The following THSD4 variants were observed in gnomAD, a reference collection of about 807,000 sequenced individuals.
The protein encoded by THSD4 is thrombospondin type 1 domain containing 4.
In THSD4, 69 loss-of-function variants were observed where a neutral mutation model predicts 119.0. The ratio of observed to expected loss-of-function variants is 0.58; its 90% CI spans 0.48 to 0.71. The LOEUF (loss-of-function observed/expected upper bound fraction) is 0.71. Among genes scored for constraint, THSD4 ranks in the 30% least tolerant of loss-of-function variants. THSD4 has a pLI of 0.00. For synonymous variants in THSD4, 524 were observed against 540.4 expected (o/e 0.97, Z 0.42); for missense variants, 1,393 against 1,391.1 (o/e 1.00, Z -0.02).
intron 7 of THSD4, among the ~76,000 whole-genome samples, chr15:71,536,252 T>A (rs1359070129): frequency 6.6e-6 from 1 of 152,196 alleles, no homozygotes; most frequent in Non-Finnish European, 1.5e-5. Flanking sequence ...GATCCCTACT[T>A]CTGGCTCTTT....
chr15:71,668,254 A>G (rs1379075771), intron 8 of THSD4, among the ~76,000 whole-genome samples: 1 of 152,214 alleles, frequency 6.6e-6, no homozygotes, highest in East Asian at 1.9e-4. Context: ...TAACTAAAAG[A>G]TGTGACCTAA....
At chr15:71,370,095 G>GT (rs2046023060) in intron 6 of THSD4, among the ~76,000 whole-genome samples, 1 of 152,068 alleles carries the variant, frequency 6.6e-6, no homozygotes, top group Non-Finnish European at 1.5e-5. Flanking sequence ...TTCTGTGGTG[G>GT]TAGTTTGTAT....
At chr15:71,471,785 A>G (rs1397500764) in intron 7 of THSD4, among the ~76,000 whole-genome samples, 1 of 152,060 alleles carries the variant, frequency 6.6e-6, no homozygotes, top group Non-Finnish European at 1.5e-5. Context: ...AAGATCATCC[A>G]TAGTGCTCAA....
At chr15:71,520,388 T>C (rs2048422680) in intron 7 of THSD4, among the ~76,000 whole-genome samples, 2 of 152,160 alleles carry the variant, frequency 1.3e-5, no homozygotes, top group African/African-American at 4.8e-5. Flanking sequence ...ACTGGAAGCA[T>C]GGAGCCTAGG....
chr15:71,099,986 C>T (rs2141338499), intron 1 of THSD4, among the ~76,000 whole-genome samples: 1 of 152,234 alleles, frequency 6.6e-6, no homozygotes, highest in South Asian at 2.1e-4. Flanking sequence ...GATACTGTCT[C>T]AAAAAATTAA....
chr15:71,699,814 A>T (rs1033215099), intron 8 of THSD4, among the ~76,000 whole-genome samples: 2 of 152,172 alleles, frequency 1.3e-5, no homozygotes, highest in African/African-American at 4.8e-5. Flanking sequence ...TAATTCCAGG[A>T]GTAAAAAGGT....
chr15:71,262,085 A>C (rs548477534), intron 6 of THSD4, among the ~76,000 whole-genome samples: 1 of 152,288 alleles, frequency 6.6e-6, no homozygotes, highest in South Asian at 2.1e-4. Context: ...GTCTACTGCT[A>C]TTCACATGTG....
chr15:71,457,348 C>G (rs1190121301), intron 7 of THSD4, among the ~76,000 whole-genome samples: 1 of 140,730 alleles, frequency 7.1e-6, no homozygotes, highest in East Asian at 2.1e-4. Flanking sequence ...CCACTGCACT[C>G]CAGCCTGGGT....
At chr15:71,633,751 A>G (rs1361812337) in intron 7 of THSD4, among the ~76,000 whole-genome samples, 1 of 152,252 alleles carries the variant, frequency 6.6e-6, no homozygotes, top group African/African-American at 2.4e-5. Context: ...CAGTTAAATA[A>G]CAGGAAAGTC....
Position 71,321,250 on chromosome 15 carries a change from A to G in THSD4, c.1015+64535A>G, listed in dbSNP as rs541932722. On this transcript the variant is annotated intron_variant, in intron 6 of 17. Transcript: ENST00000261862. The stretch of plus-strand genomic sequence containing the variant: ...GTACTCCCTCTGTAAAACTTTTGTT[A>G]TCAGGCCAGGCGCGGTGGCTCAAGC... Among the ~76,000 whole-genome samples, 74 of 151,766 alleles carry G rather than the reference A, an allele frequency of 4.9e-4. 4 individuals are homozygous for G. In the South Asian group the frequency reaches 0.015, roughly 31 times the overall value.
intron 8 of THSD4, among the ~76,000 whole-genome samples, chr15:71,722,099 G>A (rs1448112414): frequency 6.6e-6 from 1 of 152,146 alleles, no homozygotes; most frequent in Non-Finnish European, 1.5e-5. Context: ...TGAACACAGC[G>A]TCTAGCAAAA....
At chr15:71,742,113 C>T (rs1335475252) in intron 11 of THSD4, among the ~76,000 whole-genome samples, 1 of 152,192 alleles carries the variant, frequency 6.6e-6, no homozygotes, top group Non-Finnish European at 1.5e-5. Context: ...AAGTCTGTTC[C>T]CCTTGTGATC....
At chr15:71,382,699 ATTAAC>A (rs1447061933) in intron 6 of THSD4, among the ~76,000 whole-genome samples, 4 of 152,190 alleles carry the variant, frequency 2.6e-5, no homozygotes, top group Admixed American at 1.3e-4. Flanking sequence ...ATTTTAAACT[ATTAAC>A]TTTAATTTCT....
At chr15:71,121,649 T>G (rs1379843190) in intron 1 of THSD4, among the ~76,000 whole-genome samples, 2 of 152,172 alleles carry the variant, frequency 1.3e-5, no homozygotes, top group African/African-American at 2.4e-5. Flanking sequence ...ACTTGTGGGC[T>G]GGGCTGTGAC....
chr15:71,563,182 T>A (rs1029745215), intron 7 of THSD4, among the ~76,000 whole-genome samples: 4 of 152,176 alleles, frequency 2.6e-5, no homozygotes, highest in African/African-American at 4.8e-5. Flanking sequence ...GTACAGCGCA[T>A]GTTTAGTGAA....
At chr15:71,719,795 C>T (rs2052679378) in intron 8 of THSD4, among the ~76,000 whole-genome samples, 1 of 152,106 alleles carries the variant, frequency 6.6e-6, no homozygotes, top group Non-Finnish European at 1.5e-5. Flanking sequence ...CCCACCTCAG[C>T]CTCCCAAGTA....
chr15:71,300,686 G>A (rs1289142150), intron 6 of THSD4, among the ~76,000 whole-genome samples: 9 of 152,204 alleles, frequency 5.9e-5, no homozygotes, highest in African/African-American at 1.9e-4. Context: ...AATGTATAAT[G>A]TGTTCTTTTT....
chr15:71,096,986 G>A (rs1367658800), exon 1 of THSD4: 2 of 152,210 alleles, frequency 1.3e-5, no homozygotes, highest in East Asian at 1.9e-4. Flanking sequence ...CAGCAGTTCA[G>A]AAAGAGGAAA....
chr15:71,764,870 C>T (rs2140229819), intron 15 of THSD4, 150 bp from the exon 16 acceptor site: 3 of 1,001,254 alleles, frequency 3.0e-6, no homozygotes, highest in Middle Eastern at 6.5e-4. Context: ...GCCATTTCTC[C>T]TCCAGAAACA....
Sources: gnomAD v4.1 joint callset for allele counts (sites outside exome capture counted in the v4.1 genomes callset) on GRCh38, gnomAD v4.1.1 for gene constraint, MANE v1.5 for transcripts, NCBI Gene and HGNC (gene_info 2026-07-23, HGNC 2026-07-21) for gene names.